The following UHRF1 variants were observed in gnomAD, a reference collection of about 807,000 sequenced individuals.
UHRF1 encodes the protein ubiquitin like with PHD and ring finger domains 1, also known as E3 ubiquitin-protein ligase UHRF1.
In UHRF1, 9 loss-of-function variants were observed where a neutral mutation model predicts 96.5. The observed-to-expected ratio is 0.09, with a 90% confidence interval of 0.06 to 0.16. The LOEUF is 0.16. Among genes scored for constraint, UHRF1 ranks in the 10% least tolerant of loss-of-function variants. UHRF1 has a pLI of 1.00. For missense variants in UHRF1, 626 were observed against 1,131.1 expected (o/e 0.55, Z 6.40); for synonymous variants, 455 against 469.9 (o/e 0.97, Z 0.41).
rs921146539 is a variant in UHRF1, at chr19:4,925,203, A to C, written c.154-4019A>C. 1.1e-4 allele frequency among the ~76,000 whole-genome samples: 17 copies of C among 152,126 alleles called. 1 individual carries two copies. The highest frequency in any genetic ancestry group is 8.8e-5 in the Non-Finnish European group (6 of 68,024). On this transcript the variant is annotated intron_variant, in intron 2 of 16. Transcript: ENST00000650932. ...TAAAGTACACAGTTGAGGTATATTCATAGTTGTGTAATCATCACTGCAGTC... is the reference window on the plus strand; with the variant it reads ...TAAAGTACACAGTTGAGGTATATTCCTAGTTGTGTAATCATCACTGCAGTC...
chr19:4,959,767 A>T (rs868761518), intron 16 of UHRF1, among the ~76,000 whole-genome samples: 1 of 152,156 alleles, frequency 6.6e-6, no homozygotes, highest in Non-Finnish European at 1.5e-5. Context: ...CAATGGCGTG[A>T]TCATGGCTCA....
At chr19:4,913,213 T>C (rs1181146304) in intron 2 of UHRF1, among the ~76,000 whole-genome samples, 1 of 150,952 alleles carries the variant, frequency 6.6e-6, no homozygotes, top group Non-Finnish European at 1.5e-5. Context: ...AGTGTGACAA[T>C]GACAGGAACA....
intron 2 of UHRF1, among the ~76,000 whole-genome samples, chr19:4,922,946 A>AGGGGCGG (rs2032748814): frequency 6.6e-6 from 1 of 152,166 alleles, no homozygotes; most frequent in Non-Finnish European, 1.5e-5. Flanking sequence ...TGGAGGGGCG[A>AGGGGCGG]CCCGTCAGGC....
At chr19:4,936,614 A>G (rs1469577477) in intron 5 of UHRF1, among the ~76,000 whole-genome samples, 1 of 152,084 alleles carries the variant, frequency 6.6e-6, no homozygotes, top group African/African-American at 2.4e-5. Context: ...TTTTCATTAA[A>G]TTTTACCTTG....
chr19:4,923,260 G>GA (rs2146313474), intron 2 of UHRF1, among the ~76,000 whole-genome samples: 1 of 152,240 alleles, frequency 6.6e-6, no homozygotes, highest in Admixed American at 6.5e-5. Context: ...CGACCGTCTG[G>GA]CCCCCTCCTG....
upstream of UHRF1, among the ~76,000 whole-genome samples, chr19:4,906,668 G>C (rs1228525490): frequency 2.0e-5 from 3 of 152,114 alleles, no homozygotes; most frequent in East Asian, 5.8e-4. Context: ...CAGAAGAATT[G>C]CTTGAACCCA....
At chr19:4,928,932 C>G (rs1161483569) in intron 2 of UHRF1, among the ~76,000 whole-genome samples, 8 of 152,340 alleles carry the variant, frequency 5.3e-5, no homozygotes, top group African/African-American at 1.7e-4. Flanking sequence ...CCAAGACCCC[C>G]ATGTGTGCGT....
intron 2 of UHRF1, among the ~76,000 whole-genome samples, chr19:4,914,512 G>C (rs1449076656): frequency 6.6e-6 from 1 of 152,230 alleles, no homozygotes; most frequent in East Asian, 1.9e-4. Flanking sequence ...GGAGGATCTC[G>C]TGGTGGTCTC....
At chr19:4,941,133 C>A (rs534514842) in intron 5 of UHRF1, among the ~76,000 whole-genome samples, 92 of 138,980 alleles carry the variant, frequency 6.6e-4, no homozygotes, top group Non-Finnish European at 7.6e-4. Flanking sequence ...CCCTGTCGCC[C>A]AGGCTGGAGT....
chr19:4,926,425 G>A (rs755521328), intron 2 of UHRF1, among the ~76,000 whole-genome samples: 5 of 152,318 alleles, frequency 3.3e-5, no homozygotes, highest in South Asian at 4.1e-4. Flanking sequence ...GAGAACAGAG[G>A]GGCTGAAGCG....
chr19:4,909,279 G>C, upstream of UHRF1: 1 of 530,166 alleles, frequency 1.9e-6, no homozygotes, highest in Non-Finnish European at 3.3e-6. Flanking sequence ...GCCCTGCCAC[G>C]CAGCCCCTTT....
intron 13 of UHRF1, among the ~76,000 whole-genome samples, chr19:4,953,452 T>C (rs1386475550): frequency 6.6e-6 from 1 of 152,168 alleles, no homozygotes; most frequent in African/African-American, 2.4e-5. Flanking sequence ...ATCCCTACTC[T>C]TGCACTTTGG....
intron 1 of UHRF1, among the ~76,000 whole-genome samples, chr19:4,903,867 A>G (rs2032002019): frequency 6.6e-6 from 1 of 152,208 alleles, no homozygotes; most frequent in Non-Finnish European, 1.5e-5. Flanking sequence ...GAAAAAACAT[A>G]GAGATATGGC....
chr19:4,925,052 C>G (rs895502243), intron 2 of UHRF1, among the ~76,000 whole-genome samples: 4 of 152,000 alleles, frequency 2.6e-5, no homozygotes, highest in African/African-American at 7.2e-5. Flanking sequence ...GTCTCGAACT[C>G]CTGACTTCAA....
chr19:4,958,835 T>G (rs1412123411), intron 16 of UHRF1, among the ~76,000 whole-genome samples: 2 of 151,318 alleles, frequency 1.3e-5, no homozygotes, highest in African/African-American at 4.9e-5. Flanking sequence ...ATTAGCTGGG[T>G]GAGGTGACAG....
At chr19:4,912,983 G>A (rs1046216870) in intron 2 of UHRF1, among the ~76,000 whole-genome samples, 12 of 151,934 alleles carry the variant, frequency 7.9e-5, no homozygotes, top group Non-Finnish European at 1.8e-4. Flanking sequence ...TGGTCTCCTG[G>A]GCTCAAGTGA....
rs548729330 is a variant in UHRF1, at chr19:4,941,211, C to T, written c.786-317C>T. ...GTTCAAGTGATTCTTCTGCCTCAGC[C>T]TCCCGAGTAGCTGGGATTACATGCG... On this transcript the variant is annotated intron_variant, in intron 5 of 16. Coordinates refer to ENST00000650932, the MANE Select transcript of UHRF1 (RefSeq NM_001048201.3). 2.1e-4 allele frequency among the ~76,000 whole-genome samples: 32 copies of T among 151,408 alleles called. No homozygotes were observed. In the East Asian group the frequency reaches 5.6e-3, roughly 27 times the overall value.
exon 1 of UHRF1, chr19:4,903,375 C>G (rs976599288): frequency 6.4e-6 from 1 of 155,132 alleles, no homozygotes; most frequent in Admixed American, 6.2e-5. Flanking sequence ...TGTAGTGGCG[C>G]GATCTCGGCT....
In UHRF1 at chr19:4,960,909, C is replaced by A. The variant is rs2033971952; in HGVS notation, c.*106C>A. On this transcript the variant is annotated 3_prime_UTR_variant, in exon 17 of 17. Transcript: ENST00000650932. ...GGCTTAACTTAAACAGGTAGTGTTT[C>A]CTCCGTTCCCTAAAAAGGTTTGTCT... The A allele has an allele frequency of 1.7e-6, 1 of 585,260 alleles. No individual in the cohort carries two copies. Among genetic ancestry groups the A allele is most frequent in the African/African-American group, 2.3e-5 (1 of 43,238 alleles). The allele number at this position is 585,260 out of a possible 1,614,324, so 36.3% of individuals were successfully genotyped here. A position where few individuals can be genotyped will look rare whatever the true frequency, so the allele number is the denominator to read the frequency against.
Sources: allele counts gnomAD v4.1 joint callset (sites outside exome capture counted in the v4.1 genomes callset), GRCh38; gene constraint gnomAD v4.1.1; transcripts MANE v1.5; gene names NCBI Gene and HGNC (gene_info 2026-07-23, HGNC 2026-07-21).